The following DLG1 variants were observed in gnomAD, a reference collection of about 807,000 sequenced individuals.
The protein encoded by DLG1 is discs large MAGUK scaffold protein 1, also known as disks large homolog 1.
A neutral mutation model predicts 123.4 loss-of-function variants in DLG1; 42 were observed. The observed-to-expected ratio is 0.34, with a 90% CI of 0.27 to 0.44. DLG1 has a LOEUF of 0.44. Ranked by LOEUF, DLG1 falls within the 20% of genes least tolerant of loss-of-function variation. DLG1 has a pLI of 1.00. For synonymous variants in DLG1, 317 were observed against 356.2 expected (o/e 0.89, Z 1.24); for missense variants, 942 against 1,082.6 (o/e 0.87, Z 1.82).
chr3:197,207,326 T>C (rs1159430637), intron 4 of DLG1, among the ~76,000 whole-genome samples: 1 of 152,056 alleles, frequency 6.6e-6, no homozygotes, highest in East Asian at 1.9e-4. Context: ...AAAGATAAAA[T>C]GCCCAGGAAT....
At chr3:197,295,092 T>A (rs1776787618) in intron 3 of DLG1, among the ~76,000 whole-genome samples, 1 of 152,190 alleles carries the variant, frequency 6.6e-6, no homozygotes, top group Non-Finnish European at 1.5e-5. Context: ...AATTCAAATG[T>A]GTAAAAAATG....
chr3:197,128,992 C>T (rs1428489527), intron 11 of DLG1, among the ~76,000 whole-genome samples: 1 of 152,150 alleles, frequency 6.6e-6, no homozygotes, highest in African/African-American at 2.4e-5. Flanking sequence ...GGCAGACAGG[C>T]TTAGCATAAT....
chr3:197,121,585 TC>T (rs1380662119), intron 11 of DLG1, among the ~76,000 whole-genome samples: 1 of 152,078 alleles, frequency 6.6e-6, no homozygotes, highest in East Asian at 1.9e-4. Context: ...TTCTTTTTTT[TC>T]CTACTTTTAT....
chr3:197,141,396 C>T (rs1787889849), intron 7 of DLG1, among the ~76,000 whole-genome samples: 1 of 152,104 alleles, frequency 6.6e-6, no homozygotes, highest in Non-Finnish European at 1.5e-5. Context: ...AGTTAGGAGA[C>T]ATCACAAACT....
rs1214444686 is a variant in DLG1, at chr3:197,175,702, G to GA, written c.483+18722dup. On this transcript the variant is annotated intron_variant, in intron 5 of 24. Coordinates refer to ENST00000667157, the MANE Select transcript of DLG1 (RefSeq NM_001366207.1). ...ATGCGAGGCTCTGGGGATACCAAGG[G>GA]AAAAAACCACACACCCTGTAGCATC... is the stretch of plus-strand genomic sequence containing the variant. Among the ~76,000 whole-genome samples, 9 of 152,084 alleles carry GA rather than the reference G, an allele frequency of 5.9e-5. No homozygotes were observed. In the East Asian group the frequency reaches 1.2e-3, roughly 19 times the overall value.
intron 4 of DLG1, among the ~76,000 whole-genome samples, chr3:197,275,962 T>C (rs1766219476): frequency 6.6e-6 from 1 of 152,222 alleles, no homozygotes; most frequent in Admixed American, 6.5e-5. Context: ...AAACATGGTA[T>C]GCATGTATCA....
chr3:197,055,035 G>A (rs552822231), intron 23 of DLG1, among the ~76,000 whole-genome samples: 2 of 152,096 alleles, frequency 1.3e-5, no homozygotes, highest in Non-Finnish European at 2.9e-5. Flanking sequence ...GGCTGGTCTC[G>A]AACTACCGAA....
At chr3:197,245,746 G>A (rs1456634416) in intron 4 of DLG1, among the ~76,000 whole-genome samples, 2 of 152,164 alleles carry the variant, frequency 1.3e-5, no homozygotes, top group Non-Finnish European at 1.5e-5. Flanking sequence ...GATGGGAATG[G>A]CAGTTGGGGG....
chr3:197,179,982 C>A (rs1809252759), intron 5 of DLG1, among the ~76,000 whole-genome samples: 1 of 146,106 alleles, frequency 6.8e-6, no homozygotes, highest in Non-Finnish European at 1.5e-5. Context: ...TATTTCAATT[C>A]TGACAAGTTT....
At chr3:197,056,240 C>G (rs1731596700) in intron 23 of DLG1, among the ~76,000 whole-genome samples, 1 of 152,180 alleles carries the variant, frequency 6.6e-6, no homozygotes, top group Admixed American at 6.5e-5. Context: ...GCTTCCTACT[C>G]TGCCATCTTC....
chr3:197,069,527 G>T (rs148578268), intron 18 of DLG1: 1 of 256,096 alleles, frequency 3.9e-6, no homozygotes, highest in African/African-American at 2.2e-5. Flanking sequence ...ATGACAAAAA[G>T]GGCTAAGTGA....
At chr3:197,054,789 C>T (rs562898803) in intron 23 of DLG1, among the ~76,000 whole-genome samples, 94 of 152,026 alleles carry the variant, frequency 6.2e-4, no homozygotes, top group Non-Finnish European at 1.3e-3. Context: ...GGACCACAGG[C>T]TCGTGCCACC....
chr3:197,044,403 C>T lies in DLG1; in HGVS notation c.*220G>A. On this transcript the variant is annotated 3_prime_UTR_variant, in exon 25 of 25. Coordinates refer to ENST00000667157, the MANE Select transcript of DLG1 (RefSeq NM_001366207.1). The stretch of plus-strand genomic sequence containing the variant: ...TTAATAGCTGGTCAGGCCATTCCAT[C>T]TTCAGTTCTGAAAAATGGCCACTAA... 2 of 370,776 alleles carry T rather than the reference C, an allele frequency of 5.4e-6. No individual in the cohort carries two copies. Among genetic ancestry groups the T allele is most frequent in the African/African-American group, 2.1e-5 (1 of 48,126 alleles). 23.0% of individuals were successfully genotyped at this position (370,776 alleles called of 1,614,324 possible).
At chr3:197,273,587 A>G (rs1764917155) in intron 4 of DLG1, among the ~76,000 whole-genome samples, 1 of 152,120 alleles carries the variant, frequency 6.6e-6, no homozygotes, top group Non-Finnish European at 1.5e-5. Flanking sequence ...CTCAAATTAA[A>G]GCAGATGGCT....
intron 4 of DLG1, among the ~76,000 whole-genome samples, chr3:197,226,639 T>C (rs1578332846): frequency 6.6e-6 from 1 of 152,190 alleles, no homozygotes; most frequent in East Asian, 1.9e-4. Flanking sequence ...CAAAGTTAAG[T>C]AGAATAATTA....
intron 4 of DLG1, among the ~76,000 whole-genome samples, chr3:197,223,263 A>G (rs1055005294): frequency 6.6e-6 from 1 of 152,106 alleles, no homozygotes; most frequent in African/African-American, 2.4e-5. Context: ...CCAGAAATTA[A>G]CTCATGTTTT....
chr3:197,183,556 T>G (rs1023053725), intron 5 of DLG1: 1 of 1,543,432 alleles, frequency 6.5e-7, no homozygotes, highest in African/African-American at 1.4e-5. Flanking sequence ...GAAAATAATT[T>G]CAACAAGTGG....
At chr3:197,291,296 A>C (rs1774742051) in intron 3 of DLG1, among the ~76,000 whole-genome samples, 1 of 105,152 alleles carries the variant, frequency 9.5e-6, no homozygotes. Context: ...CTAGCCTACA[A>C]AGTTACACAC....
intron 11 of DLG1, among the ~76,000 whole-genome samples, chr3:197,127,303 A>G (rs13098463): frequency 0.012 from 1,765 of 149,950 alleles, 17 homozygotes; most frequent in Middle Eastern, 0.031. Context: ...CAAGCCTGTA[A>G]TCCCTGCTAC....
Sources: allele counts gnomAD v4.1 joint callset (sites outside exome capture counted in the v4.1 genomes callset), GRCh38; gene constraint gnomAD v4.1.1; transcripts MANE v1.5; gene names NCBI Gene and HGNC (gene_info 2026-07-23, HGNC 2026-07-21).